Variants in CCSER1 observed in about 807,000 individuals in gnomAD.
The protein encoded by CCSER1 is serine-rich coiled-coil domain-containing protein 1.
Under a neutral mutation model 82.0 loss-of-function variants are expected in CCSER1, and 41 were observed. The observed-to-expected ratio is 0.50, with a 90% CI of 0.39 to 0.65. The LOEUF (loss-of-function observed/expected upper bound fraction) is 0.65. Among genes scored for constraint, CCSER1 ranks in the 30% least tolerant of loss-of-function variants. CCSER1 has a pLI of 0.00. For missense variants in CCSER1, 1,119 were observed against 1,064.2 expected (o/e 1.05, Z -0.72); for synonymous variants, 414 against 383.9 (o/e 1.08, Z -0.92).
At chr4:90,541,068 AC>A (rs1258522314) in intron 5 of CCSER1, among the ~76,000 whole-genome samples, 1 of 152,042 alleles carries the variant, frequency 6.6e-6, no homozygotes, top group Non-Finnish European at 1.5e-5. Flanking sequence ...TGCTACTGTA[AC>A]CATTAGACAG....
chr4:91,362,322 G>A (rs1350346480), intron 10 of CCSER1, among the ~76,000 whole-genome samples: 1 of 151,722 alleles, frequency 6.6e-6, no homozygotes. Flanking sequence ...GTGAGTAGGA[G>A]TATGGGGCTG....
rs1357269284 is a variant in CCSER1, at chr4:91,003,231, C to G, written c.2172+79784C>G. Among the ~76,000 whole-genome samples the G allele has an allele frequency of 2.6e-5, 4 of 152,042 alleles. No homozygotes were observed. In the East Asian group the frequency reaches 7.7e-4, roughly 29 times the overall value. On this transcript the variant is annotated intron_variant, in intron 9 of 10. Coordinates refer to ENST00000509176, the MANE Select transcript of CCSER1 (RefSeq NM_001145065.2). ...TATTTTTGTACGAGTGGGCCTCCTG[C>G]CAGGAGCTGTAGTAGTATGGGGAGG...
At chr4:90,759,906 T>A (rs983752337) in intron 7 of CCSER1, among the ~76,000 whole-genome samples, 6 of 152,216 alleles carry the variant, frequency 3.9e-5, no homozygotes, top group African/African-American at 1.4e-4. Flanking sequence ...TACAGAAAAT[T>A]GTATACATAT....
At chr4:90,814,078 T>G (rs1450192806) in intron 7 of CCSER1, among the ~76,000 whole-genome samples, 2 of 152,322 alleles carry the variant, frequency 1.3e-5, no homozygotes, top group Admixed American at 1.3e-4. Context: ...TCTTATCCTC[T>G]GTGTGCCCGC....
chr4:90,133,374 G>T (rs896586584), intron 1 of CCSER1, among the ~76,000 whole-genome samples: 2 of 152,118 alleles, frequency 1.3e-5, no homozygotes, highest in African/African-American at 4.8e-5. Context: ...TTGGTAGGTA[G>T]TTATAATGCA....
intron 4 of CCSER1, among the ~76,000 whole-genome samples, chr4:90,448,394 G>T (rs1372804057): frequency 7.4e-6 from 1 of 135,092 alleles, no homozygotes; most frequent in African/African-American, 2.7e-5. Context: ...AACATAACTG[G>T]GAGAGTCAGC....
chr4:90,806,009 G>A (rs1757448711), intron 7 of CCSER1, among the ~76,000 whole-genome samples: 1 of 152,034 alleles, frequency 6.6e-6, no homozygotes, highest in South Asian at 2.1e-4. Context: ...TTGTTTAAAG[G>A]CTTTCATTTT....
intron 3 of CCSER1, among the ~76,000 whole-genome samples, chr4:90,386,445 CATGTAGA>C (rs112851711): frequency 0.099 from 15,007 of 151,956 alleles, 1,235 homozygotes; most frequent in East Asian, 0.31. Context: ...TGGAGAGGCA[CATGTAGA>C]AGAATGAAAC....
At chr4:91,046,728 C>CT (rs377192917) in intron 9 of CCSER1, among the ~76,000 whole-genome samples, 106 of 150,030 alleles carry the variant, frequency 7.1e-4, no homozygotes, top group African/African-American at 2.2e-3. Flanking sequence ...GTTTTGGGAG[C>CT]TTTTTTTTTA....
chr4:91,178,552 C>G (rs1733653085), intron 10 of CCSER1, among the ~76,000 whole-genome samples: 1 of 152,100 alleles, frequency 6.6e-6, no homozygotes. Flanking sequence ...GATCCCTTTA[C>G]CATTATGTAA....
At chr4:90,130,143 A>G (rs1722561791) in intron 1 of CCSER1, among the ~76,000 whole-genome samples, 2 of 152,214 alleles carry the variant, frequency 1.3e-5, no homozygotes, top group Non-Finnish European at 1.5e-5. Flanking sequence ...ATTGCATTTT[A>G]TTACTCATCA....
At chr4:91,147,485 C>T (rs192845484) in intron 10 of CCSER1, among the ~76,000 whole-genome samples, 24 of 152,286 alleles carry the variant, frequency 1.6e-4, no homozygotes, top group African/African-American at 5.5e-4. Flanking sequence ...GGAGAGATTC[C>T]CCGCTCCCAT....
At chr4:90,745,287 C>G (rs1747226597) in intron 7 of CCSER1, among the ~76,000 whole-genome samples, 1 of 152,178 alleles carries the variant, frequency 6.6e-6, no homozygotes, top group Non-Finnish European at 1.5e-5. Flanking sequence ...TGCTGCATCT[C>G]TCTGATTCTG....
intron 10 of CCSER1, among the ~76,000 whole-genome samples, chr4:91,571,220 C>G (rs1037375846): frequency 1.3e-5 from 2 of 152,188 alleles, no homozygotes; most frequent in Admixed American, 6.5e-5. Flanking sequence ...AGCCCTCCAA[C>G]TTTCTAGGAC....
chr4:91,573,440 G>T (rs1320948261), intron 10 of CCSER1, among the ~76,000 whole-genome samples: 2 of 152,138 alleles, frequency 1.3e-5, no homozygotes, highest in Admixed American at 6.5e-5. Context: ...AGGACCTAAG[G>T]CTCCAGGGTC....
chr4:90,925,111 C>G (rs1258618424), intron 9 of CCSER1, among the ~76,000 whole-genome samples: 3 of 152,080 alleles, frequency 2.0e-5, no homozygotes, highest in Non-Finnish European at 4.4e-5. Flanking sequence ...ACCTTTGTAT[C>G]TATAAATCTG....
chr4:91,436,002 TC>T (rs1754626360), intron 10 of CCSER1, among the ~76,000 whole-genome samples: 1 of 152,226 alleles, frequency 6.6e-6, no homozygotes, highest in African/African-American at 2.4e-5. Context: ...TACTCTTTTT[TC>T]TGGTCTCTGC....
At chr4:90,760,684 A>G (rs1750288136) in intron 7 of CCSER1, among the ~76,000 whole-genome samples, 1 of 152,122 alleles carries the variant, frequency 6.6e-6, no homozygotes, top group African/African-American at 2.4e-5. Context: ...GTGATTAAAA[A>G]TACAGGTTTT....
intron 1 of CCSER1, among the ~76,000 whole-genome samples, chr4:90,292,545 G>C (rs181472934): frequency 1.3e-5 from 2 of 151,960 alleles, no homozygotes; most frequent in Non-Finnish European, 2.9e-5. Flanking sequence ...CCAAACCCAA[G>C]ATTCTGTTTT....
Sources: gnomAD v4.1 joint callset for allele counts (sites outside exome capture counted in the v4.1 genomes callset) on GRCh38, gnomAD v4.1.1 for gene constraint, MANE v1.5 for transcripts, NCBI Gene and HGNC (gene_info 2026-07-23, HGNC 2026-07-21) for gene names.